Variants in SBF2 observed in about 807,000 individuals in gnomAD.
The protein encoded by SBF2 is myotubularin-related protein 13.
A neutral mutation model predicts 225.2 loss-of-function variants in SBF2; 112 were observed. The ratio of observed to expected loss-of-function variants is 0.50; its 90% CI spans 0.43 to 0.58. The LOEUF is 0.58. Ranked by LOEUF, SBF2 falls within the 20% of genes least tolerant of loss-of-function variation. The pLI, the probability that SBF2 is intolerant of heterozygous loss-of-function variation, is 0.00. For synonymous variants in SBF2, 763 were observed against 773.3 expected (o/e 0.99, Z 0.22); for missense variants, 1,996 against 2,206.2 (o/e 0.90, Z 1.91).
At chr11:9,859,977 G>T (rs937903062) in intron 17 of SBF2, among the ~76,000 whole-genome samples, 3 of 152,168 alleles carry the variant, frequency 2.0e-5, no homozygotes, top group Non-Finnish European at 4.4e-5. Flanking sequence ...CAAAAATCAG[G>T]AGTTCTTTGA....
chr11:10,042,096 C>T (rs2062298862), intron 3 of SBF2, among the ~76,000 whole-genome samples: 1 of 152,120 alleles, frequency 6.6e-6, no homozygotes, highest in Non-Finnish European at 1.5e-5. Context: ...TATTCTAGCA[C>T]AACTATGGTG....
rs112355769 is a variant in SBF2, at chr11:9,832,023, A to T, written c.3652+201T>A. Among the ~76,000 whole-genome samples the T allele has an allele frequency of 4.2e-3, 647 of 152,342 alleles. 7 individuals are homozygous for T. Among genetic ancestry groups the T allele is most frequent in the African/African-American group, 0.014 (598 of 41,578 alleles). ...ATCCAAGTACAGACCAGACATATTA[A>T]GATGTCAAATTCAATGTGGAGCCTC... On this transcript the variant is annotated intron_variant, in intron 27 of 39. Transcript: ENST00000256190.
intron 2 of SBF2, among the ~76,000 whole-genome samples, chr11:10,056,085 G>A (rs1190091670): frequency 6.6e-6 from 1 of 152,096 alleles, no homozygotes; most frequent in African/African-American, 2.4e-5. Flanking sequence ...ATAATTCCAA[G>A]ATGAAGACCA....
chr11:9,959,293 C>A (rs974261030), intron 16 of SBF2: 1 of 775,172 alleles, frequency 1.3e-6, no homozygotes, highest in Non-Finnish European at 2.4e-6. Context: ...AATGTCCCTG[C>A]CATAGGTTTT....
chr11:10,052,158 GAA>G (rs35584969), intron 2 of SBF2, among the ~76,000 whole-genome samples: 3 of 147,554 alleles, frequency 2.0e-5, no homozygotes, highest in East Asian at 4.0e-4. Flanking sequence ...AGGCAAACAG[GAA>G]AAAAAAAAAG....
intron 1 of SBF2, among the ~76,000 whole-genome samples, chr11:10,242,889 A>G (rs540474099): frequency 6.6e-6 from 1 of 152,340 alleles, no homozygotes; most frequent in East Asian, 1.9e-4. Flanking sequence ...AAATACTAGG[A>G]TACTTCAATC....
chr11:9,783,270 T>C (rs972749968), intron 38 of SBF2, among the ~76,000 whole-genome samples: 5 of 152,218 alleles, frequency 3.3e-5, no homozygotes, highest in Admixed American at 6.5e-5. Flanking sequence ...TGAACATAAA[T>C]TATCTATCTA....
At chr11:9,905,389 C>T (rs1474214172) in intron 16 of SBF2, among the ~76,000 whole-genome samples, 2 of 152,188 alleles carry the variant, frequency 1.3e-5, no homozygotes, top group African/African-American at 4.8e-5. Flanking sequence ...AATGATCTTA[C>T]TAGGTCTTGG....
intron 2 of SBF2, among the ~76,000 whole-genome samples, chr11:10,183,570 C>T (rs1323897835): frequency 6.6e-6 from 1 of 152,142 alleles, no homozygotes; most frequent in Non-Finnish European, 1.5e-5. Flanking sequence ...GACTATGATC[C>T]ATTTCAAGTT....
intron 1 of SBF2, among the ~76,000 whole-genome samples, chr11:10,225,177 C>A (rs1958491379): frequency 6.6e-6 from 1 of 152,038 alleles, no homozygotes; most frequent in South Asian, 2.1e-4. Flanking sequence ...TGAAAAACAA[C>A]TGAACTTATA....
At chr11:10,019,981 G>A (rs141486263) in intron 6 of SBF2, among the ~76,000 whole-genome samples, 1 of 152,082 alleles carries the variant, frequency 6.6e-6, no homozygotes, top group Admixed American at 6.6e-5. Context: ...TGTTCTTATT[G>A]TTATAGTAGA....
At position 9,828,600 on chromosome 11, in the gene SBF2, A is replaced by G. The variant is rs1855202281; in HGVS notation, c.3793+756T>C. 6.1e-6 allele frequency: 6 copies of G among 985,232 alleles called. No homozygotes were observed. In the South Asian group the frequency reaches 2.3e-4, roughly 39 times the overall value. The allele number at this position is 985,232 out of a possible 1,614,324, so 61.0% of individuals were successfully genotyped here. A position where few individuals can be genotyped will look rare whatever the true frequency, so the allele number is the denominator to read the frequency against. On this transcript the variant is annotated intron_variant, in intron 28 of 39. Coordinates refer to ENST00000256190, the MANE Select transcript of SBF2 (RefSeq NM_030962.4). ...TGTCTAACACATTAGGGTTACCTCT[A>G]CATGAACCCTTTGGGGTTCCATCAC...
At chr11:9,967,941 CTGTCTG>C (rs1157471846) in intron 14 of SBF2, among the ~76,000 whole-genome samples, 10,248 of 123,020 alleles carry the variant, frequency 0.083, 547 homozygotes, top group East Asian at 0.29. Flanking sequence ...GTCTGTCTGT[CTGTCTG>C]TCTCTCTCTC....
Position 9,842,769 on chromosome 11 carries a change from T to C in SBF2, c.3112A>G (p.Thr1038Ala). The change falls in exon 25 of 40, where the codon ACC becomes GCC. Residue 1038 changes from threonine to alanine, a missense_variant and splice_region_variant. Physicochemically the swap from Thr to Ala is moderately conservative, Grantham distance 58. Coordinates refer to ENST00000256190, the MANE Select transcript of SBF2 (RefSeq NM_030962.4). Reference sequence around the variant, plus strand: ...CCTTTCACAATTGTTTTTGAGAAGGTACTACAAGTCATAAAACCAAAGAGA... The same window carrying C: ...CCTTTCACAATTGTTTTTGAGAAGGCACTACAAGTCATAAAACCAAAGAGA... ...KQKEKNTSFR[T>A]FSKTIVKGAK... 6.2e-7 allele frequency: 1 copy of C among 1,614,042 alleles called. No individual in the cohort carries two copies. Among genetic ancestry groups the C allele is most frequent in the African/African-American group, 1.3e-5 (1 of 75,050 alleles).
chr11:9,798,219 T>TCTA (rs1853253591), intron 32 of SBF2, among the ~76,000 whole-genome samples: 1 of 152,204 alleles, frequency 6.6e-6, no homozygotes, highest in South Asian at 2.1e-4. Context: ...GGTTTGACTC[T>TCTA]CTAGTAGGCC....
At chr11:9,809,023 C>T (rs768236632) in intron 30 of SBF2, 21 bp from the exon 31 acceptor site, 56 of 1,582,372 alleles carry the variant, frequency 3.5e-5, no homozygotes, top group East Asian at 1.1e-4. Flanking sequence ...GGAAGGAGAA[C>T]ACAATTAGAC....
chr11:9,956,426 C>T (rs762292879), intron 16 of SBF2: 7 of 152,200 alleles, frequency 4.6e-5, no homozygotes, highest in East Asian at 1.9e-4. Context: ...TTGTTCCATA[C>T]ATTTGTTTGA....
chr11:10,193,452 T>C (rs544034480), intron 2 of SBF2, among the ~76,000 whole-genome samples: 2 of 151,290 alleles, frequency 1.3e-5, no homozygotes, highest in East Asian at 3.9e-4. Flanking sequence ...CCTCCCGGGT[T>C]CATGCCATTC....
chr11:9,836,047 G>A (rs1004106818), intron 26 of SBF2, among the ~76,000 whole-genome samples: 1 of 152,126 alleles, frequency 6.6e-6, no homozygotes, highest in African/African-American at 2.4e-5. Flanking sequence ...GACAGCATTA[G>A]ACAACTTTCC....
Sources: allele counts gnomAD v4.1 joint callset (sites outside exome capture counted in the v4.1 genomes callset), GRCh38; gene constraint gnomAD v4.1.1; transcripts MANE v1.5; gene names NCBI Gene and HGNC (gene_info 2026-07-23, HGNC 2026-07-21).